Variants in SERPINB7 observed in about 807,000 individuals in gnomAD.
The protein encoded by SERPINB7 is serpin family B member 7, also known as serpin B7.
SERPINB7 carries 31 observed loss-of-function variants against 37.4 expected under a neutral mutation model. The observed-to-expected ratio is 0.83, with a 90% CI of 0.62 to 1.12. The LOEUF (loss-of-function observed/expected upper bound fraction) is 1.12, where lower values mean the gene tolerates loss of function less well. Among genes scored for constraint, SERPINB7 ranks in the 50% most tolerant of loss-of-function variants. The pLI is 0.00. For synonymous variants in SERPINB7, 163 were observed against 166.1 expected (o/e 0.98, Z 0.14); for missense variants, 521 against 455.3 (o/e 1.14, Z -1.31).
At chr18:63,800,528 G>A (rs2049536247) in intron 6 of SERPINB7, among the ~76,000 whole-genome samples, 4 of 152,126 alleles carry the variant, frequency 2.6e-5, no homozygotes, top group African/African-American at 9.7e-5. Flanking sequence ...CCAAGTGCTA[G>A]CTATATTAAT....
At chr18:63,790,270 G>A (rs556594788) in intron 2 of SERPINB7, among the ~76,000 whole-genome samples, 3 of 152,140 alleles carry the variant, frequency 2.0e-5, no homozygotes, top group South Asian at 2.1e-4. Context: ...ATAAACCTCC[G>A]TAAAATAATT....
chr18:63,759,515 A>G (rs555191847), intron 1 of SERPINB7, among the ~76,000 whole-genome samples: 11 of 151,674 alleles, frequency 7.3e-5, no homozygotes, highest in Non-Finnish European at 1.6e-4. Context: ...TTCCTCTTCC[A>G]TTATTATTTT....
intron 4 of SERPINB7, among the ~76,000 whole-genome samples, chr18:63,794,802 AGCT>A (rs1368391273): frequency 2.0e-5 from 3 of 152,216 alleles, no homozygotes; most frequent in Non-Finnish European, 4.4e-5. Flanking sequence ...AGATGAAAAG[AGCT>A]GTATCCAAGG....
rs80150045 is a variant in SERPINB7, at chr18:63,799,650, T to C, written c.597+904T>C. Among the ~76,000 whole-genome samples, 6 of 152,288 alleles carry C rather than the reference T, an allele frequency of 3.9e-5. No individual in the cohort carries two copies. In the East Asian group the frequency reaches 1.2e-3, roughly 29 times the overall value. ...ATGTGTGATTCTTTCCCTGCCCCAG[T>C]GAGACATCCTGTCTATCACATCCCA... On this transcript the variant is annotated intron_variant, in intron 6 of 7. Coordinates refer to ENST00000398019, the MANE Select transcript of SERPINB7 (RefSeq NM_003784.4).
Position 63,800,916 on chromosome 18 carries a change from G to A in SERPINB7, c.648G>A (p.Leu216=), listed in dbSNP as rs1287136858. ...AMMHQERKFN[L]SVIEDPSMKI... is the part of the protein sequence containing the mutation. The stretch of plus-strand genomic sequence containing the variant: ...TGCATCAGGAACGGAAGTTCAATTT[G>A]TCTGTTATTGAGGACCCATCAATGA... The change falls in exon 7 of 8, where the codon TTG becomes TTA. Residue 216 remains leucine, a synonymous_variant. Coordinates refer to ENST00000398019, the MANE Select transcript of SERPINB7 (RefSeq NM_003784.4). 6 of 1,613,970 alleles carry A rather than the reference G, an allele frequency of 3.7e-6. No individual in the cohort carries two copies. Among genetic ancestry groups the A allele is most frequent in the Non-Finnish European group, 4.2e-6 (5 of 1,179,900 alleles).
intron 1 of SERPINB7, among the ~76,000 whole-genome samples, chr18:63,768,296 CT>C (rs913527019): frequency 5.9e-5 from 9 of 151,818 alleles, no homozygotes; most frequent in South Asian, 2.1e-4. Context: ...TCATTCTACC[CT>C]TTTTTTCTTG....
chr18:63,776,067 T>C (rs111678298), intron 1 of SERPINB7, among the ~76,000 whole-genome samples: 219 of 152,196 alleles, frequency 1.4e-3, no homozygotes, highest in African/African-American at 4.7e-3. Context: ...TCCCAGCCCA[T>C]TGTCCATCAA....
intron 2 of SERPINB7, among the ~76,000 whole-genome samples, chr18:63,783,914 T>C (rs11877004): frequency 0.029 from 4,459 of 152,296 alleles, 227 homozygotes; most frequent in African/African-American, 0.1. Context: ...TTCCTTCCTT[T>C]ATCTGAATAG....
rs992902249 is a variant in SERPINB7 at position 63,805,272 on chromosome 18, T to C, written c.*637T>C. The C allele has an allele frequency of 6.6e-6, 1 of 152,334 alleles. No individual in the cohort carries two copies. The highest frequency in any genetic ancestry group is 2.4e-5 in the African/African-American group (1 of 41,448). The allele number at this position is 152,334 out of a possible 1,614,324, so 9.4% of individuals were successfully genotyped here. On this transcript the variant is annotated 3_prime_UTR_variant, in exon 8 of 8. Coordinates refer to ENST00000398019, the MANE Select transcript of SERPINB7 (RefSeq NM_003784.4). ...ATAGTTTTTTCAAATATTAAAGATC[T>C]TTTAACTGTTGGCAGTTGTTATCTA...
chr18:63,777,086 G>A lies in SERPINB7; in HGVS notation c.-19+1370G>A, dbSNP rs543210617. 3.3e-5 allele frequency among the ~76,000 whole-genome samples: 5 copies of A among 152,124 alleles called. No individual in the cohort carries two copies. The South Asian group carries it at 8.3e-4, about 25-fold the overall frequency. On this transcript the variant is annotated intron_variant, in intron 1 of 7. Coordinates refer to ENST00000398019, the MANE Select transcript of SERPINB7 (RefSeq NM_003784.4). ...AGATAAAGTCAGAAACACTATGTGA[G>A]GTACAACCCTACTTCTCTTGAGAGG... is the stretch of plus-strand genomic sequence containing the variant.
At chr18:63,755,076 T>C (rs1241479173) in intron 1 of SERPINB7, among the ~76,000 whole-genome samples, 13 of 149,710 alleles carry the variant, frequency 8.7e-5, no homozygotes, top group African/African-American at 2.9e-4. Flanking sequence ...ATTTTTTGTA[T>C]TTTTTTTTTA....
chr18:63,780,824 G>A (rs1448362642), intron 1 of SERPINB7, among the ~76,000 whole-genome samples: 1 of 152,152 alleles, frequency 6.6e-6, no homozygotes, highest in East Asian at 1.9e-4. Context: ...CCTCAGTGGT[G>A]TTCTCTGTGC....
At chr18:63,774,830 G>T (rs149704570), upstream of SERPINB7, among the ~76,000 whole-genome samples, 1 of 152,076 alleles carries the variant, frequency 6.6e-6, no homozygotes, top group East Asian at 1.9e-4. Flanking sequence ...ATGTTTCTCT[G>T]GAAAATTCCA....
At chr18:63,778,314 TA>T (rs1428042687) in intron 1 of SERPINB7, among the ~76,000 whole-genome samples, 2 of 152,154 alleles carry the variant, frequency 1.3e-5, no homozygotes, top group Non-Finnish European at 2.9e-5. Context: ...ACAAAGATTT[TA>T]AAATATTTCT....
At chr18:63,794,032 G>A (rs773768732) in intron 4 of SERPINB7, among the ~76,000 whole-genome samples, 18 of 150,950 alleles carry the variant, frequency 1.2e-4, no homozygotes, top group Middle Eastern at 3.3e-3. Flanking sequence ...CAACCTCTGC[G>A]TCTCGGGTTC....
rs200479020 is a variant in SERPINB7, at chr18:63,800,911, A to T, written c.643A>T (p.Asn215Tyr). Residue 215 changes from asparagine to tyrosine, a missense_variant, in exon 7 of 8, where the codon AAT becomes TAT. Physicochemically the swap from Asn to Tyr is moderately radical, Grantham distance 143 (BLOSUM62 -2). Transcript: ENST00000398019. ...CATGATGCATCAGGAACGGAAGTTC[A>T]ATTTGTCTGTTATTGAGGACCCATC... ...VAMMHQERKF[N>Y]LSVIEDPSMK... The T allele has an allele frequency of 3.1e-6, 5 of 1,613,990 alleles. No individual in the cohort carries two copies. The highest frequency in any genetic ancestry group is 4.2e-6 in the Non-Finnish European group (5 of 1,179,886).
intron 7 of SERPINB7, among the ~76,000 whole-genome samples, chr18:63,803,282 A>T (rs2049569425): frequency 6.6e-6 from 1 of 152,182 alleles, no homozygotes; most frequent in Non-Finnish European, 1.5e-5. Context: ...TATATTACAG[A>T]TTAACCACAA....
intron 1 of SERPINB7, among the ~76,000 whole-genome samples, chr18:63,770,383 C>T (rs2049203616): frequency 6.6e-6 from 1 of 151,792 alleles, no homozygotes; most frequent in Non-Finnish European, 1.5e-5. Flanking sequence ...TTCTTTTCTT[C>T]CCCTTTTAGA....
rs928661204 is a variant in SERPINB7 at position 63,785,977 on chromosome 18, CGT to C, written c.168+3438_168+3439del. On this transcript the variant is annotated intron_variant, in intron 2 of 7. Coordinates refer to ENST00000398019, the MANE Select transcript of SERPINB7 (RefSeq NM_003784.4). ...CTTATATATACACATATATAATATA[CGT>C]ATATATACACATATATAATATACGT... Among the ~76,000 whole-genome samples the C allele has an allele frequency of 2.3e-5, 3 of 132,144 alleles. 1 individual carries two copies. Among genetic ancestry groups the C allele is most frequent in the African/African-American group, 9.3e-5 (3 of 32,286 alleles). The allele number at this position is 132,144 out of a possible 152,430, so 86.7% of individuals were successfully genotyped here. A position where few individuals can be genotyped will look rare whatever the true frequency, so the allele number is the denominator to read the frequency against.
Sources: gnomAD v4.1 joint callset for allele counts (sites outside exome capture counted in the v4.1 genomes callset) on GRCh38, gnomAD v4.1.1 for gene constraint, MANE v1.5 for transcripts, NCBI Gene and HGNC (gene_info 2026-07-23, HGNC 2026-07-21) for gene names.